Variants in LRP1B observed in about 807,000 individuals in gnomAD.
The protein encoded by LRP1B is low-density lipoprotein receptor-related protein 1B.
A neutral mutation model predicts 556.6 loss-of-function variants in LRP1B; 217 were observed. The observed-to-expected ratio is 0.39, with a 90% CI of 0.35 to 0.44. The LOEUF is 0.44. LRP1B is among the 20% of genes least tolerant of loss of function. The probability of loss-of-function intolerance (pLI) is 1.00; values close to 1 mark genes in which losing one functional copy is unlikely to be tolerated. For synonymous variants in LRP1B, 2,047 were observed against 1,865.8 expected (o/e 1.10, Z -2.50); for missense variants, 5,053 against 5,620.8 (o/e 0.90, Z 3.23).
At chr2:141,601,146 A>T (rs754044192) in intron 2 of LRP1B, among the ~76,000 whole-genome samples, 2 of 152,172 alleles carry the variant, frequency 1.3e-5, no homozygotes, top group Non-Finnish European at 2.9e-5. Context: ...GCAAAAACTC[A>T]GGAAGCTTTT....
rs1457997433 is a variant in LRP1B, at chr2:141,562,231, G to A, written c.206-81698C>T. ...AATTCAGGGAAGGATTTATGAGCAC[G>A]GTGTCACACGAACTATGTCAGAGGC... On this transcript the variant is annotated intron_variant, in intron 2 of 90. Coordinates refer to ENST00000389484, the MANE Select transcript of LRP1B (RefSeq NM_018557.3). 2.0e-5 allele frequency among the ~76,000 whole-genome samples: 3 copies of A among 152,020 alleles called. No homozygotes were observed. The East Asian group carries it at 5.8e-4, about 29-fold the overall frequency.
At chr2:141,233,821 T>C (rs371939705) in intron 5 of LRP1B, among the ~76,000 whole-genome samples, 1 of 152,070 alleles carries the variant, frequency 6.6e-6, no homozygotes, top group East Asian at 1.9e-4. Context: ...AATGAATTCA[T>C]ATACTTACAA....
chr2:140,369,759 A>T (rs1209019996), intron 71 of LRP1B, among the ~76,000 whole-genome samples: 1 of 151,964 alleles, frequency 6.6e-6, no homozygotes, highest in African/African-American at 2.4e-5. Flanking sequence ...ATAATATTAA[A>T]GAAAGTAAAA....
At position 140,456,676 on chromosome 2, in the gene LRP1B, T is replaced by A. The variant is rs527343628; in HGVS notation, c.9815-73A>T. ...TAATAATATAACATGGGATTAGAGA[T>A]AGGACTTTTAAGCTGCATAACTTGA... On this transcript the variant is annotated intron_variant, in intron 61 of 90. Transcript: ENST00000389484. 2.2e-6 allele frequency: 3 copies of A among 1,372,808 alleles called. No homozygotes were observed. The Admixed American group carries it at 6.5e-5, about 30-fold the overall frequency. 85.0% of individuals were successfully genotyped at this position (1,372,808 alleles called of 1,614,324 possible).
At chr2:141,605,026 C>T (rs974261882) in intron 2 of LRP1B, among the ~76,000 whole-genome samples, 5 of 151,960 alleles carry the variant, frequency 3.3e-5, no homozygotes, top group Admixed American at 6.6e-5. Context: ...TAGTCTCTTG[C>T]GGCACGTAAG....
At chr2:140,894,348 A>T (rs1033449226) in intron 23 of LRP1B, among the ~76,000 whole-genome samples, 3 of 152,156 alleles carry the variant, frequency 2.0e-5, no homozygotes, top group Admixed American at 6.6e-5. Flanking sequence ...TGGAGAGAAG[A>T]TTGCCATTAT....
At chr2:140,284,842 TA>T (rs765721322) in intron 84 of LRP1B, among the ~76,000 whole-genome samples, 1 of 151,232 alleles carries the variant, frequency 6.6e-6, no homozygotes, top group African/African-American at 2.4e-5. Context: ...TATATCTTGC[TA>T]CCACCCCAGT....
At position 141,467,834 on chromosome 2, in the gene LRP1B, C is replaced by G. The variant is rs62166275; in HGVS notation, c.343+12562G>C. Among the ~76,000 whole-genome samples, 3 of 3,112 alleles carry G rather than the reference C, an allele frequency of 9.6e-4. No individual in the cohort carries two copies. The Non-Finnish European group carries it at 0.042, about 43-fold the overall frequency. 2.0% of individuals were successfully genotyped at this position (3,112 alleles called of 152,430 possible). On this transcript the variant is annotated intron_variant, in intron 3 of 90. Coordinates refer to ENST00000389484, the MANE Select transcript of LRP1B (RefSeq NM_018557.3). ...GTTTGTTTGTTTGTTTGTTTGTTTG[C>G]GGACCGGGGGGGGGGGAATTCCAGC...
chr2:140,472,129 T>A (rs888868487), intron 60 of LRP1B, among the ~76,000 whole-genome samples: 1 of 152,154 alleles, frequency 6.6e-6, no homozygotes, highest in African/African-American at 2.4e-5. Flanking sequence ...GCCATTTGAG[T>A]TATTCTCTGA....
At chr2:141,042,799 A>G (rs761337891) in intron 11 of LRP1B, among the ~76,000 whole-genome samples, 2 of 151,694 alleles carry the variant, frequency 1.3e-5, no homozygotes, top group African/African-American at 4.8e-5. Flanking sequence ...ATAAGGTGGT[A>G]TAGTCTAAAA....
chr2:140,867,925 G>A (rs1338088661), intron 26 of LRP1B, 91 bp from the exon 27 acceptor site: 32 of 1,376,006 alleles, frequency 2.3e-5, no homozygotes, highest in Middle Eastern at 2.3e-4. Flanking sequence ...TGACAAAAAA[G>A]GTATTTTATA....
chr2:141,532,358 A>G (rs1309001291), intron 2 of LRP1B, among the ~76,000 whole-genome samples: 1 of 151,942 alleles, frequency 6.6e-6, no homozygotes, highest in Non-Finnish European at 1.5e-5. Context: ...CAATCAGGCC[A>G]TATTCATCAA....
intron 29 of LRP1B, 130 bp from the exon 30 acceptor site, chr2:140,841,222 A>G: frequency 6.8e-6 from 4 of 589,912 alleles, no homozygotes; most frequent in Non-Finnish European, 1.2e-5. Context: ...ATCGCACAAG[A>G]TTGTAATCTC....
intron 9 of LRP1B, among the ~76,000 whole-genome samples, chr2:141,058,328 C>CT (rs879671521): frequency 7.2e-5 from 11 of 151,746 alleles, no homozygotes; most frequent in African/African-American, 9.7e-5. Flanking sequence ...TTTATATTCT[C>CT]TTTTTTTATG....
intron 77 of LRP1B, among the ~76,000 whole-genome samples, chr2:140,340,416 A>G (rs1297797159): frequency 1.3e-5 from 2 of 151,582 alleles, no homozygotes; most frequent in African/African-American, 4.8e-5. Context: ...ATACATATCT[A>G]TGGTAATTGC....
intron 1 of LRP1B, among the ~76,000 whole-genome samples, chr2:141,893,150 A>C (rs975160288): frequency 6.6e-6 from 1 of 152,162 alleles, no homozygotes; most frequent in African/African-American, 2.4e-5. Flanking sequence ...TTTTATTTTA[A>C]ATAAAAACTA....
intron 2 of LRP1B, among the ~76,000 whole-genome samples, chr2:141,735,301 G>T (rs1053896171): frequency 6.6e-6 from 1 of 151,718 alleles, no homozygotes; most frequent in Non-Finnish European, 1.5e-5. Context: ...AGATGAATAA[G>T]TAAAACAGTT....
intron 7 of LRP1B, among the ~76,000 whole-genome samples, chr2:141,118,131 T>A (rs763134304): frequency 6.6e-6 from 1 of 151,564 alleles, no homozygotes; most frequent in African/African-American, 2.4e-5. Context: ...AATATTTTAA[T>A]GCATTCAGAG....
At chr2:140,799,777 G>A (rs11688766) in intron 32 of LRP1B, among the ~76,000 whole-genome samples, 67,881 of 151,974 alleles carry the variant, frequency 0.45, 17,031 homozygotes, top group East Asian at 0.66. Context: ...CGGACGAAGA[G>A]GTTCCAAGAT....
Sources: gnomAD v4.1 joint callset for allele counts (sites outside exome capture counted in the v4.1 genomes callset) on GRCh38, gnomAD v4.1.1 for gene constraint, MANE v1.5 for transcripts, NCBI Gene and HGNC (gene_info 2026-07-23, HGNC 2026-07-21) for gene names.